EXOC4: variants seen among roughly 807,000 people sequenced by gnomAD.
EXOC4 encodes the protein exocyst complex component 4.
In EXOC4, 71 loss-of-function variants were observed where a neutral mutation model predicts 107.2. The observed-to-expected ratio is 0.66, with a 90% CI of 0.55 to 0.81. EXOC4 has a LOEUF of 0.81. Among genes scored for constraint, EXOC4 ranks in the 30% least tolerant of loss-of-function variants. The pLI is 0.00. For missense variants in EXOC4, 1,108 were observed against 1,189.6 expected, an observed-to-expected ratio of 0.93 and a Z score of 1.01; for synonymous variants, 456 against 441.2, an observed-to-expected ratio of 1.03 and a Z score of -0.42.
chr7:133,471,412 C>CAAA (rs59230142), intron 7 of EXOC4, among the ~76,000 whole-genome samples: 6 of 125,284 alleles, frequency 4.8e-5, no homozygotes, highest in African/African-American at 1.8e-4. Flanking sequence ...GACTTCATCT[C>CAAA]AAAAAAAAAA....
Position 134,054,651 on chromosome 7 carries a change from C to T in EXOC4, c.2688-9640C>T, listed in dbSNP as rs1795879159. ...TCTGCATTTGTTGACTTGCCGTTCT[C>T]ATTACCCTCTGTTTGTTTTTCAGCC... On this transcript the variant is annotated intron_variant, in intron 17 of 17. Transcript: ENST00000253861. Among the ~76,000 whole-genome samples, 3 of 152,224 alleles carry T rather than the reference C, an allele frequency of 2.0e-5. No homozygotes were observed. In the South Asian group the frequency reaches 6.2e-4, roughly 32 times the overall value.
chr7:133,349,891 G>A (rs1795870317), intron 5 of EXOC4, among the ~76,000 whole-genome samples: 1 of 151,562 alleles, frequency 6.6e-6, no homozygotes, highest in Non-Finnish European at 1.5e-5. Context: ...ATGAGTGTAG[G>A]GTGGCATCTC....
At chr7:133,766,489 T>A (rs1459096785) in intron 10 of EXOC4, among the ~76,000 whole-genome samples, 2 of 152,010 alleles carry the variant, frequency 1.3e-5, no homozygotes, top group Non-Finnish European at 2.9e-5. Context: ...TTTATCTACC[T>A]CAGTGGAATT....
At chr7:133,706,194 G>A (rs1794765518) in intron 10 of EXOC4, among the ~76,000 whole-genome samples, 1 of 152,182 alleles carries the variant, frequency 6.6e-6, no homozygotes, top group African/African-American at 2.4e-5. Context: ...CTGTATCTGT[G>A]TGTGTGAAAA....
At chr7:133,341,009 T>C (rs1453073529) in intron 5 of EXOC4, among the ~76,000 whole-genome samples, 3 of 152,134 alleles carry the variant, frequency 2.0e-5, no homozygotes, top group Non-Finnish European at 4.4e-5. Context: ...TTATTTATTT[T>C]TGTTGTTGTT....
At chr7:133,537,018 G>A (rs1800282940) in intron 9 of EXOC4, among the ~76,000 whole-genome samples, 1 of 152,100 alleles carries the variant, frequency 6.6e-6, no homozygotes, top group Non-Finnish European at 1.5e-5. Context: ...TTATCTACAT[G>A]CCTAAAAGGA....
chr7:134,012,493 T>C (rs1479029770), intron 17 of EXOC4, among the ~76,000 whole-genome samples: 3 of 152,194 alleles, frequency 2.0e-5, no homozygotes, highest in Non-Finnish European at 4.4e-5. Flanking sequence ...TTATTTACTG[T>C]AATGAAAGTG....
At chr7:133,779,329 T>C (rs1237647687) in intron 10 of EXOC4, among the ~76,000 whole-genome samples, 2 of 152,198 alleles carry the variant, frequency 1.3e-5, no homozygotes, top group African/African-American at 4.8e-5. Context: ...GCTTTCTCAA[T>C]ACTACTAACT....
Position 133,536,528 on chromosome 7 carries a change from C to T in EXOC4, c.1417+56390C>T, listed in dbSNP as rs567025656. ...TTCCAGTCATACCCATTGTCTACCC[C>T]GTTACCTATTTTATCTGTTCTTGTT... On this transcript the variant is annotated intron_variant, in intron 9 of 17. Coordinates refer to ENST00000253861, the MANE Select transcript of EXOC4 (RefSeq NM_021807.4). 7.4e-4 allele frequency among the ~76,000 whole-genome samples: 112 copies of T among 151,928 alleles called. 1 individual carries two copies. Among genetic ancestry groups the T allele is most frequent in the African/African-American group, 2.6e-3 (108 of 41,436 alleles).
intron 10 of EXOC4, among the ~76,000 whole-genome samples, chr7:133,702,328 A>ATTCTC (rs1201855611): frequency 4.5e-4 from 2 of 4,472 alleles, no homozygotes; most frequent in African/African-American, 1.7e-3. Flanking sequence ...TGGTTTGTTC[A>ATTCTC]TTCTCTTCTC....
intron 7 of EXOC4, among the ~76,000 whole-genome samples, chr7:133,442,658 T>A (rs1245178216): frequency 6.6e-6 from 1 of 152,004 alleles, no homozygotes; most frequent in Non-Finnish European, 1.5e-5. Flanking sequence ...TTACATATGA[T>A]CTGGGAGAGA....
At chr7:133,855,082 A>AATATATCTAAATATATATCTAAAT (rs1554409738) in intron 11 of EXOC4, among the ~76,000 whole-genome samples, 1 of 76,758 alleles carries the variant, frequency 1.3e-5, no homozygotes, top group East Asian at 3.0e-4. Flanking sequence ...AATATATCTA[A>AATATATCTAAATATATATCTAAAT]ATATATATAA....
intron 11 of EXOC4, among the ~76,000 whole-genome samples, chr7:133,820,006 G>T (rs568177693): frequency 6.6e-6 from 1 of 152,062 alleles, no homozygotes; most frequent in Admixed American, 6.5e-5. Flanking sequence ...TTAAGTCACC[G>T]TGAGGCTAGG....
intron 11 of EXOC4, among the ~76,000 whole-genome samples, chr7:133,833,691 T>C (rs1461774359): frequency 6.6e-6 from 1 of 152,206 alleles, no homozygotes; most frequent in Non-Finnish European, 1.5e-5. Context: ...GCCTCCCAGG[T>C]AGCTGGGACC....
chr7:133,911,258 T>C (rs1799688848), intron 12 of EXOC4, among the ~76,000 whole-genome samples: 1 of 152,218 alleles, frequency 6.6e-6, no homozygotes, highest in Non-Finnish European at 1.5e-5. Flanking sequence ...CTCTCCTTTT[T>C]TGAGGCTATT....
At chr7:133,843,790 C>T (rs1798068226) in intron 11 of EXOC4, among the ~76,000 whole-genome samples, 1 of 152,050 alleles carries the variant, frequency 6.6e-6, no homozygotes, top group Admixed American at 6.6e-5. Flanking sequence ...ATGATGTTGG[C>T]TGTGGGTTTG....
At chr7:133,928,633 TCA>T (rs1305693234) in intron 13 of EXOC4, among the ~76,000 whole-genome samples, 1 of 152,032 alleles carries the variant, frequency 6.6e-6, no homozygotes, top group Non-Finnish European at 1.5e-5. Flanking sequence ...CTCCCCTCAC[TCA>T]CAGTCTGTGG....
intron 7 of EXOC4, among the ~76,000 whole-genome samples, chr7:133,446,860 G>T (rs574214875): frequency 6.6e-6 from 1 of 152,290 alleles, no homozygotes; most frequent in East Asian, 1.9e-4. Context: ...GTAACACAGT[G>T]TAAGTGGTAA....
At chr7:133,829,163 CTT>C (rs1419583237) in intron 11 of EXOC4, among the ~76,000 whole-genome samples, 2 of 152,140 alleles carry the variant, frequency 1.3e-5, no homozygotes, top group Admixed American at 1.3e-4. Flanking sequence ...ATCGCGTGTT[CTT>C]GAGACAGTGA....
Sources: gnomAD v4.1 joint callset for allele counts (sites outside exome capture counted in the v4.1 genomes callset) on GRCh38, gnomAD v4.1.1 for gene constraint, MANE v1.5 for transcripts, NCBI Gene and HGNC (gene_info 2026-07-23, HGNC 2026-07-21) for gene names.